TMEM50B: variants seen among roughly 807,000 people sequenced by gnomAD.
TMEM50B encodes the protein transmembrane protein 50B.
In TMEM50B, 14 loss-of-function variants were observed where a neutral mutation model predicts 23.4. The observed-to-expected ratio is 0.60, with a 90% CI of 0.39 to 0.93. The LOEUF (loss-of-function observed/expected upper bound fraction) is 0.93, where lower values mean the gene tolerates loss of function less well. TMEM50B is among the 40% of genes least tolerant of loss of function. The probability of loss-of-function intolerance (pLI) is 0.00; values close to 1 mark genes in which losing one functional copy is unlikely to be tolerated. For synonymous variants in TMEM50B, 64 were observed against 62.3 expected, an observed-to-expected ratio of 1.03 and a Z score of -0.13; for missense variants, 159 against 193.0, an observed-to-expected ratio of 0.82 and a Z score of 1.04.
intron 5 of TMEM50B, 22 bp from the exon 6 acceptor site, chr21:33,455,806 G>C: frequency 1.3e-6 from 2 of 1,596,852 alleles, no homozygotes; most frequent in Non-Finnish European, 1.7e-6. Flanking sequence ...AAGTAAAACA[G>C]ATTAGACGGT....
chr21:33,453,980 T>C (rs1014292611), intron 6 of TMEM50B, among the ~76,000 whole-genome samples: 1 of 151,644 alleles, frequency 6.6e-6, no homozygotes, highest in Admixed American at 6.6e-5. Flanking sequence ...AGTGCATGCC[T>C]GTAATCCCAG....
At chr21:33,437,915 G>C in intron 8 of TMEM50B, among the ~76,000 whole-genome samples, 1 of 151,700 alleles carries the variant, frequency 6.6e-6, no homozygotes, top group Non-Finnish European at 1.5e-5. Flanking sequence ...CCTGGGAGGC[G>C]GAGGTTACCA....
chr21:33,462,067 C>G (rs2084221927), intron 4 of TMEM50B, among the ~76,000 whole-genome samples: 1 of 152,160 alleles, frequency 6.6e-6, no homozygotes, highest in Non-Finnish European at 1.5e-5. Context: ...AAGCATCCAT[C>G]TTGTCCCAGG....
chr21:33,462,307 A>C (rs1290694994), intron 4 of TMEM50B, among the ~76,000 whole-genome samples: 1 of 152,208 alleles, frequency 6.6e-6, no homozygotes, highest in East Asian at 1.9e-4. Context: ...TTGAAACACT[A>C]AACAGAAATT....
intron 2 of TMEM50B, 125 bp from the exon 3 acceptor site, chr21:33,467,247 C>T: frequency 1.3e-6 from 1 of 788,454 alleles, no homozygotes; most frequent in Non-Finnish European, 2.0e-6. Flanking sequence ...CGCCTGTAAT[C>T]CCAGCACTTT....
chr21:33,461,673 C>T (rs1329945303), intron 4 of TMEM50B, among the ~76,000 whole-genome samples: 5 of 151,930 alleles, frequency 3.3e-5, no homozygotes, highest in Non-Finnish European at 5.9e-5. Flanking sequence ...GGCTTGGTGG[C>T]GGGTGCCTGT....
intron 8 of TMEM50B, among the ~76,000 whole-genome samples, chr21:33,433,928 G>C (rs1191816083): frequency 6.6e-6 from 1 of 152,072 alleles, no homozygotes; most frequent in Non-Finnish European, 1.5e-5. Context: ...GCTGGAGGAC[G>C]TGAAGGCGGT....
At position 33,450,872 on chromosome 21, in the gene TMEM50B, A is replaced by G. The variant is rs1352809468; in HGVS notation, c.432-9T>C. On this transcript the variant is annotated splice_polypyrimidine_tract_variant and intron_variant, in intron 6 of 6. Coordinates refer to ENST00000542230, the MANE Select transcript of TMEM50B (RefSeq NM_006134.7). ...ATTTGTAGATCAGAGTGCTAGAAAGATAGGAAAACAAATCATGAGGAAAAA... is the reference window on the plus strand; with the variant it reads ...ATTTGTAGATCAGAGTGCTAGAAAGGTAGGAAAACAAATCATGAGGAAAAA... 2 of 1,611,614 alleles carry G rather than the reference A, an allele frequency of 1.2e-6. No individual in the cohort carries two copies. Among genetic ancestry groups the G allele is most frequent in the Non-Finnish European group, 1.7e-6 (2 of 1,178,824 alleles).
Position 33,436,999 on chromosome 21 carries a change from G to T in TMEM50B, c.*2120+2215C>A, listed in dbSNP as rs763806451. ...GGCCTAGCCCACTGGCTCCCTGGAAGAGATCAAGCCATCGGAGCTGCTAGA... is the reference window on the plus strand; with the variant it reads ...GGCCTAGCCCACTGGCTCCCTGGAATAGATCAAGCCATCGGAGCTGCTAGA... On this transcript the variant is annotated intron_variant and NMD_transcript_variant, in intron 8 of 8. Transcript: ENST00000420455. 12 of 1,611,750 alleles carry T rather than the reference G, an allele frequency of 7.4e-6. No individual in the cohort carries two copies. In the South Asian group the frequency reaches 1.3e-4, roughly 18 times the overall value.
intron 6 of TMEM50B, among the ~76,000 whole-genome samples, chr21:33,451,911 A>G (rs182536927): frequency 6.9e-4 from 105 of 152,298 alleles, no homozygotes; most frequent in African/African-American, 2.4e-3. Flanking sequence ...AAAACAGAGG[A>G]GTGACCAGAG....
At chr21:33,467,312 T>A (rs1463421061) in intron 2 of TMEM50B, among the ~76,000 whole-genome samples, 190 bp from the exon 3 acceptor site, 1 of 152,088 alleles carries the variant, frequency 6.6e-6, no homozygotes, top group Non-Finnish European at 1.5e-5. Flanking sequence ...CTGGTCATCA[T>A]GGTAAAACCT....
intron 1 of TMEM50B, among the ~76,000 whole-genome samples, chr21:33,472,471 G>T (rs2084326962): frequency 6.6e-6 from 1 of 152,028 alleles, no homozygotes; most frequent in South Asian, 2.1e-4. Flanking sequence ...AACATCAAAA[G>T]AAATTATCCA....
intron 1 of TMEM50B, among the ~76,000 whole-genome samples, chr21:33,474,976 G>C (rs1261292868): frequency 6.6e-6 from 1 of 150,632 alleles, no homozygotes; most frequent in African/African-American, 2.4e-5. Flanking sequence ...ACCCAGGATG[G>C]AGTGCAGTGG....
intron 7 of TMEM50B, among the ~76,000 whole-genome samples, chr21:33,443,867 A>AAGGTTATACGGGAATCTG (rs1021770506): frequency 0.1 from 1 of 10 alleles, no homozygotes; most frequent in African/African-American, 0.25. Context: ...TGGGAATCTG[A>AAGGTTATACGGGAATCTG]AAGGTTATAC....
intron 8 of TMEM50B, chr21:33,432,948 C>A: frequency 1.6e-6 from 2 of 1,227,318 alleles, no homozygotes; most frequent in Non-Finnish European, 1.2e-6. Context: ...TGTCATGGTA[C>A]AATCTCTGCT....
intron 1 of TMEM50B, chr21:33,479,071 C>A: frequency 3.3e-6 from 1 of 301,678 alleles, no homozygotes; most frequent in South Asian, 2.7e-5. Flanking sequence ...CAGCCTAGCC[C>A]GTCTCACTGC....
intron 2 of TMEM50B, 46 bp from the exon 3 acceptor site, chr21:33,467,168 C>G (rs2084272208): frequency 6.8e-7 from 1 of 1,470,910 alleles, no homozygotes; most frequent in African/African-American, 1.4e-5. Context: ...CTCTTGCTAG[C>G]ACAATACCTG....
In TMEM50B at chr21:33,479,962, G is replaced by A. The variant is rs1029548764; in HGVS notation, c.-166C>T. 3.3e-5 allele frequency: 5 copies of A among 152,234 alleles called. No individual in the cohort carries two copies. Among genetic ancestry groups the A allele is most frequent in the African/African-American group, 1.2e-4 (5 of 41,460 alleles). The allele number at this position is 152,234 out of a possible 1,614,324, so 9.4% of individuals were successfully genotyped here. ...CGGGAGCCCGGAGCTGGGAGCAGAC[G>A]CGAGGATAGAGCGCCGGTGAGGCGG... is the stretch of plus-strand genomic sequence containing the variant. On this transcript the variant is annotated 5_prime_UTR_variant, in exon 1 of 7. Coordinates refer to ENST00000542230, the MANE Select transcript of TMEM50B (RefSeq NM_006134.7).
At chr21:33,469,169 A>G (rs1008623438) in intron 1 of TMEM50B, among the ~76,000 whole-genome samples, 8 of 152,140 alleles carry the variant, frequency 5.3e-5, no homozygotes, top group African/African-American at 1.4e-4. Context: ...TCTAGGAGCT[A>G]GGTGCCGAGG....
Sources: allele counts gnomAD v4.1 joint callset (sites outside exome capture counted in the v4.1 genomes callset), GRCh38; gene constraint gnomAD v4.1.1; transcripts MANE v1.5; gene names NCBI Gene and HGNC (gene_info 2026-07-23, HGNC 2026-07-21).